XRCC2: variants seen among roughly 807,000 people sequenced by gnomAD.
The protein encoded by XRCC2 is DNA repair protein XRCC2.
Under a neutral mutation model 27.3 loss-of-function variants are expected in XRCC2, and 24 were observed. The ratio of observed to expected loss-of-function variants is 0.88; its 90% CI spans 0.64 to 1.24. The LOEUF (loss-of-function observed/expected upper bound fraction) is 1.24, where lower values mean the gene tolerates loss of function less well. Among genes scored for constraint, XRCC2 ranks in the 50% most tolerant of loss-of-function variants. The pLI is 0.00. For synonymous variants in XRCC2, 106 were observed against 115.4 expected, an observed-to-expected ratio of 0.92 and a Z score of 0.52; for missense variants, 321 against 325.8, an observed-to-expected ratio of 0.99 and a Z score of 0.11.
chr7:152,650,182 C>G (rs1236976958), intron 2 of XRCC2, among the ~76,000 whole-genome samples: 3 of 152,252 alleles, frequency 2.0e-5, no homozygotes, highest in Non-Finnish European at 4.4e-5. Flanking sequence ...TGGTTTCACA[C>G]ATTATTGAGG....
At chr7:152,650,747 A>C (rs1158181282) in intron 2 of XRCC2, among the ~76,000 whole-genome samples, 3 of 151,946 alleles carry the variant, frequency 2.0e-5, no homozygotes, top group South Asian at 4.2e-4. Context: ...TTAGCTGGGC[A>C]TGGTGGTGGG....
chr7:152,646,011 GTGGA>G lies in XRCC2; in HGVS notation c.*2627_*2630del, dbSNP rs1205700336. The G allele has an allele frequency of 2.6e-5, 4 of 152,218 alleles. No individual in the cohort carries two copies. Among genetic ancestry groups the G allele is most frequent in the Non-Finnish European group, 5.9e-5 (4 of 68,042 alleles). 9.4% of individuals were successfully genotyped at this position (152,218 alleles called of 1,614,324 possible). ...CTTTGCATGTAATGTAATGATTGGTGTGGATGGAGTTAAATACACCATCTCCTCT... is the reference window on the plus strand; with the variant it reads ...CTTTGCATGTAATGTAATGATTGGTGTGGAGTTAAATACACCATCTCCTCT... On this transcript the variant is annotated 3_prime_UTR_variant, in exon 3 of 3. Coordinates refer to ENST00000359321, the MANE Select transcript of XRCC2 (RefSeq NM_005431.2).
At chr7:152,671,810 G>T (rs2098038324) in intron 1 of XRCC2, among the ~76,000 whole-genome samples, 1 of 152,196 alleles carries the variant, frequency 6.6e-6, no homozygotes, top group Non-Finnish European at 1.5e-5. Context: ...GGGAGGCCAA[G>T]GCAGGTGAAT....
chr7:152,665,421 A>G (rs1219847106), intron 1 of XRCC2, among the ~76,000 whole-genome samples: 1 of 151,214 alleles, frequency 6.6e-6, no homozygotes, highest in African/African-American at 2.4e-5. Flanking sequence ...TCAGTGAACC[A>G]TCCAAAAGAT....
chr7:152,646,821 T>C lies in XRCC2; in HGVS notation c.*1821A>G, dbSNP rs547332596. On this transcript the variant is annotated 3_prime_UTR_variant, in exon 3 of 3. Coordinates refer to ENST00000359321, the MANE Select transcript of XRCC2 (RefSeq NM_005431.2). ...GCTGTATAGTATTCCCTGGTGTGTATGTACCACATTTTTTTAATCCAGTCT... is the reference window on the plus strand; with the variant it reads ...GCTGTATAGTATTCCCTGGTGTGTACGTACCACATTTTTTTAATCCAGTCT... 8.5e-5 allele frequency: 13 copies of C among 152,338 alleles called. No individual in the cohort carries two copies. The highest frequency in any genetic ancestry group is 3.9e-4 in the East Asian group (2 of 5,182). 9.4% of individuals were successfully genotyped at this position (152,338 alleles called of 1,614,324 possible).
rs2098027152 is a variant in XRCC2, at chr7:152,648,752, CTT to C, written c.731_732del (p.Gln244ArgfsTer2). ...LVKHRMFFSK[Q>X]DDSQSSNQFS... ...AATTGGTTGCTGCTTTGAGAATCATCTTGTTTGGAGAAAAACATCCTGTGCTT... is the reference window on the plus strand; with the variant it reads ...AATTGGTTGCTGCTTTGAGAATCATCGTTTGGAGAAAAACATCCTGTGCTT... On this transcript the variant is annotated frameshift_variant, in exon 3 of 3. Coordinates refer to ENST00000359321, the MANE Select transcript of XRCC2 (RefSeq NM_005431.2). LOFTEE classifies it high-confidence loss of function. The C allele has an allele frequency of 2.5e-6, 4 of 1,614,148 alleles. No homozygotes were observed. Among genetic ancestry groups the C allele is most frequent in the Non-Finnish European group, 3.4e-6 (4 of 1,180,020 alleles).
rs1240041376 is a variant in XRCC2, at chr7:152,645,891, G to C, written c.*2751C>G. 1.3e-5 allele frequency: 2 copies of C among 152,146 alleles called. No homozygotes were observed. The highest frequency in any genetic ancestry group is 4.8e-5 in the African/African-American group (2 of 41,428). The allele number at this position is 152,146 out of a possible 1,614,324, so 9.4% of individuals were successfully genotyped here. A position where few individuals can be genotyped will look rare whatever the true frequency, so the allele number is the denominator to read the frequency against. ...ATGATGCCACTGCACTCCAGCCTGGGCAACGGAGCGAGACCTTGTCTCTAA... is the reference window on the plus strand; with the variant it reads ...ATGATGCCACTGCACTCCAGCCTGGCCAACGGAGCGAGACCTTGTCTCTAA... On this transcript the variant is annotated 3_prime_UTR_variant, in exon 3 of 3. Coordinates refer to ENST00000359321, the MANE Select transcript of XRCC2 (RefSeq NM_005431.2).
rs368590980 is a variant in XRCC2 at position 152,647,280 on chromosome 7, C to T, written c.*1362G>A. 10 of 151,794 alleles carry T rather than the reference C, an allele frequency of 6.6e-5. No homozygotes were observed. Among genetic ancestry groups the T allele is most frequent in the East Asian group, 1.9e-4 (1 of 5,170 alleles). The allele number at this position is 151,794 out of a possible 1,614,324, so 9.4% of individuals were successfully genotyped here. On this transcript the variant is annotated 3_prime_UTR_variant, in exon 3 of 3. Coordinates refer to ENST00000359321, the MANE Select transcript of XRCC2 (RefSeq NM_005431.2). ...TTTTCTTCTAAATTTGTTTAAATTA[C>T]GTATAGATGCTGGATTTCAGACCTT... is the stretch of plus-strand genomic sequence containing the variant.
chr7:152,662,565 A>ATTTTTTTTT (rs11323323), intron 1 of XRCC2, among the ~76,000 whole-genome samples: 2 of 67,768 alleles, frequency 3.0e-5, no homozygotes, highest in Non-Finnish European at 5.4e-5. Flanking sequence ...TTTTATTTGC[A>ATTTTTTTTT]TTTTTTTTTT....
At chr7:152,671,412 G>GA (rs1366622462) in intron 1 of XRCC2, among the ~76,000 whole-genome samples, 1 of 151,754 alleles carries the variant, frequency 6.6e-6, no homozygotes, top group Admixed American at 6.6e-5. Context: ...TCCTAACAAA[G>GA]AAACAGAAAC....
chr7:152,673,586 G>A (rs921763728), intron 1 of XRCC2, among the ~76,000 whole-genome samples: 1 of 152,128 alleles, frequency 6.6e-6, no homozygotes, highest in Non-Finnish European at 1.5e-5. Flanking sequence ...TTTTAAAGCA[G>A]GCCAGGCGTG....
chr7:152,674,669 A>G (rs1398518310), intron 1 of XRCC2, among the ~76,000 whole-genome samples: 2 of 47,766 alleles, frequency 4.2e-5, no homozygotes, highest in Non-Finnish European at 7.7e-5. Flanking sequence ...TACTTTCTAT[A>G]TAATCTATAT....
At position 152,676,065 on chromosome 7, in the gene XRCC2, G is replaced by T; in HGVS notation, c.15C>A (p.Phe5Leu). ...CCTCGGTCCCAGACTCAGCCCTATG[G>T]AAGGCACTACACATCGCCCCGAAGG... MCSA[F>L]HRAESGTELL... Residue 5 changes from phenylalanine to leucine, a missense_variant, in exon 1 of 3, where the codon TTC becomes TTA. Transcript: ENST00000359321. 5 of 1,613,850 alleles carry T rather than the reference G, an allele frequency of 3.1e-6. No homozygotes were observed. Among genetic ancestry groups the T allele is most frequent in the Non-Finnish European group, 4.2e-6 (5 of 1,179,814 alleles).
chr7:152,665,664 A>G (rs577960818), intron 1 of XRCC2, among the ~76,000 whole-genome samples: 9 of 151,586 alleles, frequency 5.9e-5, no homozygotes, highest in Non-Finnish European at 1.2e-4. Flanking sequence ...TGTTATTTTT[A>G]GGAGACAGGG....
intron 1 of XRCC2, among the ~76,000 whole-genome samples, chr7:152,675,061 C>A (rs1270524265): frequency 1.3e-5 from 2 of 151,996 alleles, no homozygotes; most frequent in African/African-American, 4.8e-5. Flanking sequence ...AGATTGCTTC[C>A]TCTCTCATCT....
intron 1 of XRCC2, among the ~76,000 whole-genome samples, chr7:152,666,500 C>T (rs1452434571): frequency 2.0e-5 from 3 of 152,102 alleles, no homozygotes; most frequent in African/African-American, 7.2e-5. Flanking sequence ...GCATGAGCCA[C>T]CATGCCCAGT....
At chr7:152,675,573 G>A (rs1050815211) in intron 1 of XRCC2, among the ~76,000 whole-genome samples, 1 of 152,090 alleles carries the variant, frequency 6.6e-6, no homozygotes, top group African/African-American at 2.4e-5. Context: ...GCAGAGACAC[G>A]TGGGCTACAG....
At chr7:152,652,970 C>A (rs1344425663) in intron 2 of XRCC2, among the ~76,000 whole-genome samples, 8 of 152,116 alleles carry the variant, frequency 5.3e-5, no homozygotes, top group African/African-American at 1.7e-4. Context: ...AGGTGTGGAG[C>A]CTGCTGCCCA....
At chr7:152,659,942 T>C (rs2098032343) in intron 2 of XRCC2, among the ~76,000 whole-genome samples, 1 of 151,162 alleles carries the variant, frequency 6.6e-6, no homozygotes, top group Non-Finnish European at 1.5e-5. Flanking sequence ...ACTCATGCAA[T>C]GAAATATTTA....
Sources: allele counts gnomAD v4.1 joint callset (sites outside exome capture counted in the v4.1 genomes callset), GRCh38; gene constraint gnomAD v4.1.1; transcripts MANE v1.5; gene names NCBI Gene and HGNC (gene_info 2026-07-23, HGNC 2026-07-21).